CALD1: variants seen among roughly 807,000 people sequenced by gnomAD.
The protein encoded by CALD1 is caldesmon.
Under a neutral mutation model 99.9 loss-of-function variants are expected in CALD1, and 33 were observed. The observed-to-expected ratio is 0.33, with a 90% CI of 0.25 to 0.44. CALD1 has a LOEUF of 0.44. Among genes scored for constraint, CALD1 ranks in the 20% least tolerant of loss-of-function variants. The pLI is 1.00. For missense variants in CALD1, 861 were observed against 962.1 expected (o/e 0.89, Z 1.39); for synonymous variants, 310 against 325.0 (o/e 0.95, Z 0.50).
At position 134,769,711 on chromosome 7, in the gene CALD1, C is replaced by G. The variant is rs1318673021; in HGVS notation, c.-130+25348C>G. Among the ~76,000 whole-genome samples the G allele has an allele frequency of 2.6e-5, 4 of 152,180 alleles. 1 individual carries two copies. In the South Asian group the frequency reaches 8.3e-4, roughly 32 times the overall value. The stretch of plus-strand genomic sequence containing the variant: ...AGAGTGCAGTGGTGTGATCTTGGCT[C>G]CCTGCAACCTCCGCCTCCCGGGTTC... On this transcript the variant is annotated intron_variant, in intron 1 of 13. Coordinates refer to the CALD1 transcript ENST00000417172.
rs985320282 is a variant in CALD1, at chr7:134,960,562, T to C, written c.2229T>C (p.Ser743=). 1 of 1,613,444 alleles carries C rather than the reference T, an allele frequency of 6.2e-7. No homozygotes were observed. Among genetic ancestry groups the C allele is most frequent in the Non-Finnish European group, 8.5e-7 (1 of 1,179,338 alleles). Reference sequence around the variant, plus strand: ...CTGCTGGCTTGAAGGTAGGGGTTTCTAGCCGCATCAATGAATGGCTAACTA... The same window carrying C: ...CTGCTGGCTTGAAGGTAGGGGTTTCCAGCCGCATCAATGAATGGCTAACTA... The part of the protein sequence containing the change: ...KETAGLKVGV[S]SRINEWLTKT... Residue 743 remains serine (S), a synonymous_variant, in exon 13 of 15, where the codon TCT becomes TCC. Coordinates refer to ENST00000361675, the MANE Select transcript of CALD1 (RefSeq NM_033138.4).
chr7:134,740,759 T>C (rs974197558), upstream of CALD1, among the ~76,000 whole-genome samples: 1 of 152,216 alleles, frequency 6.6e-6, no homozygotes, highest in African/African-American at 2.4e-5. Flanking sequence ...GTAACCTTTT[T>C]CGTGCTGCAC....
intron 1 of CALD1, among the ~76,000 whole-genome samples, chr7:134,780,256 A>G (rs1797051234): frequency 6.6e-6 from 1 of 152,218 alleles, no homozygotes; most frequent in Non-Finnish European, 1.5e-5. Context: ...TGCTGCCAGT[A>G]TTTAAAACTA....
chr7:134,897,375 AAT>A (rs994696384), intron 3 of CALD1, among the ~76,000 whole-genome samples: 7 of 147,554 alleles, frequency 4.7e-5, no homozygotes, highest in South Asian at 2.1e-4. Flanking sequence ...ACCTATATAC[AAT>A]ATATATATAT....
intron 1 of CALD1, among the ~76,000 whole-genome samples, chr7:134,819,971 A>G (rs991456182): frequency 6.6e-6 from 1 of 152,238 alleles, no homozygotes; most frequent in African/African-American, 2.4e-5. Context: ...CTATAAATGT[A>G]TATGCTAAAA....
intron 3 of CALD1, among the ~76,000 whole-genome samples, chr7:134,896,259 T>C (rs530304194): frequency 4.0e-4 from 61 of 152,312 alleles, no homozygotes; most frequent in African/African-American, 1.4e-3. Context: ...AGAAAGTAAA[T>C]TTTGCCTTTC....
chr7:134,754,304 A>G (rs1796709970), intron 1 of CALD1, among the ~76,000 whole-genome samples: 1 of 152,234 alleles, frequency 6.6e-6, no homozygotes, highest in African/African-American at 2.4e-5. Flanking sequence ...CTAAGTGTGT[A>G]TTATAAATGT....
At chr7:134,760,460 A>ACCCTGT (rs1162279005) in intron 1 of CALD1, among the ~76,000 whole-genome samples, 2 of 152,138 alleles carry the variant, frequency 1.3e-5, no homozygotes, top group Non-Finnish European at 2.9e-5. Context: ...TGCTAAGAGG[A>ACCCTGT]CCCTGTCCCT....
At chr7:134,926,258 T>G (rs1805010055) in intron 3 of CALD1, among the ~76,000 whole-genome samples, 1 of 152,190 alleles carries the variant, frequency 6.6e-6, no homozygotes, top group African/African-American at 2.4e-5. Flanking sequence ...ACAAGAAAAT[T>G]TAACTCTAAA....
At chr7:134,884,460 T>C (rs1037531645) in intron 3 of CALD1, among the ~76,000 whole-genome samples, 2 of 152,070 alleles carry the variant, frequency 1.3e-5, no homozygotes, top group Non-Finnish European at 2.9e-5. Context: ...GGTGCCCTGG[T>C]TGGGAATGAG....
chr7:134,826,373 G>T (rs1226165884), intron 1 of CALD1, among the ~76,000 whole-genome samples: 1 of 152,060 alleles, frequency 6.6e-6, no homozygotes, highest in Non-Finnish European at 1.5e-5. Context: ...CTCCTTTCTA[G>T]TTATCCAAAT....
At chr7:134,747,952 CAG>C (rs1411860116) in intron 1 of CALD1, among the ~76,000 whole-genome samples, 4 of 152,186 alleles carry the variant, frequency 2.6e-5, no homozygotes, top group Non-Finnish European at 1.5e-5. Flanking sequence ...CAACTCCAAA[CAG>C]AGAGAGCTGT....
intron 1 of CALD1, among the ~76,000 whole-genome samples, chr7:134,831,185 C>CATA (rs1799203929): frequency 6.6e-6 from 1 of 151,492 alleles, no homozygotes; most frequent in South Asian, 2.1e-4. Flanking sequence ...AAATTGAGTG[C>CATA]ATAACATCAC....
At chr7:134,854,302 T>C (rs1370096904) in intron 2 of CALD1, among the ~76,000 whole-genome samples, 1 of 152,212 alleles carries the variant, frequency 6.6e-6, no homozygotes, top group African/African-American at 2.4e-5. Context: ...TCTTCCACAA[T>C]GGTTGAACTA....
intron 2 of CALD1, among the ~76,000 whole-genome samples, chr7:134,846,688 G>A (rs1168336049): frequency 6.6e-6 from 1 of 152,074 alleles, no homozygotes; most frequent in African/African-American, 2.4e-5. Context: ...TTCTGATTAT[G>A]AGCAGAAGAG....
intron 8 of CALD1, chr7:134,948,248 A>G (rs967104040): frequency 7.0e-5 from 11 of 156,718 alleles, no homozygotes; most frequent in African/African-American, 2.7e-4. Context: ...ATGAGCAAGT[A>G]AGTACATTAG....
At chr7:134,728,535 T>C in the CALD1 span, among the ~76,000 whole-genome samples, 6 of 152,238 alleles carry the variant, frequency 3.9e-5, no homozygotes, top group Admixed American at 3.9e-4. Flanking sequence ...GTTGACGATA[T>C]ACAGAGGAAC....
At chr7:134,837,341 CTCCTTT>C (rs1799485160) in intron 1 of CALD1, among the ~76,000 whole-genome samples, 1 of 136,152 alleles carries the variant, frequency 7.3e-6, no homozygotes, top group Non-Finnish European at 1.6e-5. Context: ...TTCTTTCGTT[CTCCTTT>C]TTTTTTTTTT....
At chr7:134,841,787 GA>G (rs1336650282) in intron 1 of CALD1, among the ~76,000 whole-genome samples, 1 of 152,054 alleles carries the variant, frequency 6.6e-6, no homozygotes. Context: ...TGTACTCTAC[GA>G]ACAGACATAT....
Sources: allele counts gnomAD v4.1 joint callset (sites outside exome capture counted in the v4.1 genomes callset), GRCh38; gene constraint gnomAD v4.1.1; transcripts MANE v1.5; gene names NCBI Gene and HGNC (gene_info 2026-07-23, HGNC 2026-07-21).